WWOX: variants seen among roughly 807,000 people sequenced by gnomAD.
WWOX encodes the protein WW domain-containing oxidoreductase.
Under a neutral mutation model 46.2 loss-of-function variants are expected in WWOX, and 69 were observed. That is an observed-to-expected ratio of 1.49 (90% CI 1.23 to 1.82). The LOEUF (loss-of-function observed/expected upper bound fraction) is 1.82. Among genes scored for constraint, WWOX ranks in the 40% most tolerant of loss-of-function variants. The pLI, the probability that WWOX is intolerant of heterozygous loss-of-function variation, is 0.00. For missense variants in WWOX, 919 were observed against 542.6 expected (o/e 1.69, Z -6.89); for synonymous variants, 359 against 202.6 (o/e 1.77, Z -6.56).
intron 8 of WWOX, among the ~76,000 whole-genome samples, chr16:78,771,354 C>G (rs998575597): frequency 1.3e-5 from 2 of 152,162 alleles, no homozygotes; most frequent in Non-Finnish European, 2.9e-5. Context: ...CATGCATGCC[C>G]AACCTAAATA....
At chr16:78,276,573 T>G (rs919985499) in intron 5 of WWOX, among the ~76,000 whole-genome samples, 1 of 152,204 alleles carries the variant, frequency 6.6e-6, no homozygotes, top group Non-Finnish European at 1.5e-5. Context: ...GTAGGTTGGT[T>G]ATGAATTATG....
chr16:79,132,282 A>G (rs1389361176), intron 8 of WWOX, among the ~76,000 whole-genome samples: 1 of 152,184 alleles, frequency 6.6e-6, no homozygotes, highest in Admixed American at 6.5e-5. Context: ...AGCAGTGGTG[A>G]AGCTGGAAGA....
At chr16:78,450,036 A>G (rs1331098826) in intron 8 of WWOX, among the ~76,000 whole-genome samples, 1 of 152,060 alleles carries the variant, frequency 6.6e-6, no homozygotes, top group Non-Finnish European at 1.5e-5. Context: ...GCTAAAAAAA[A>G]TAACCACCCG....
At chr16:79,016,623 A>C (rs1455914523) in intron 8 of WWOX, 3 of 152,128 alleles carry the variant, frequency 2.0e-5, no homozygotes, top group African/African-American at 7.2e-5. Context: ...GGGTTTTGCC[A>C]TGTTGCTCAG....
At chr16:78,483,628 G>A (rs1232857344) in intron 8 of WWOX, among the ~76,000 whole-genome samples, 1 of 151,874 alleles carries the variant, frequency 6.6e-6, no homozygotes, top group Non-Finnish European at 1.5e-5. Flanking sequence ...TTATACTGTG[G>A]GCTGCATCGC....
At chr16:78,535,344 C>G (rs992071424) in intron 8 of WWOX, 3 of 152,226 alleles carry the variant, frequency 2.0e-5, no homozygotes, top group Non-Finnish European at 4.4e-5. Context: ...TGGGTAATGA[C>G]TTGCTGCTTT....
intron 8 of WWOX, among the ~76,000 whole-genome samples, chr16:79,014,699 A>G (rs949234024): frequency 2.0e-5 from 3 of 152,222 alleles, no homozygotes; most frequent in African/African-American, 7.2e-5. Flanking sequence ...TCAGAGATGA[A>G]AGAACCAAGG....
chr16:78,620,917 A>G (rs1341671183), intron 8 of WWOX, among the ~76,000 whole-genome samples: 2 of 152,112 alleles, frequency 1.3e-5, no homozygotes, highest in Non-Finnish European at 2.9e-5. Flanking sequence ...TTTTTGAGCA[A>G]TTCACTTACC....
chr16:79,104,335 A>T (rs1430350223), intron 8 of WWOX, among the ~76,000 whole-genome samples: 1 of 152,196 alleles, frequency 6.6e-6, no homozygotes, highest in African/African-American at 2.4e-5. Flanking sequence ...AAGACACATC[A>T]TTTTCCTTCA....
chr16:79,110,379 G>T (rs2049394309), intron 8 of WWOX, among the ~76,000 whole-genome samples: 1 of 152,092 alleles, frequency 6.6e-6, no homozygotes, highest in African/African-American at 2.4e-5. Context: ...ATCAAATGTA[G>T]CTTGGAGAGC....
chr16:78,774,686 T>G (rs1231967111), intron 8 of WWOX, among the ~76,000 whole-genome samples: 2 of 151,972 alleles, frequency 1.3e-5, no homozygotes, highest in Non-Finnish European at 2.9e-5. Flanking sequence ...TCATTGTCTG[T>G]GTGGGGGGAG....
chr16:78,343,469 G>A lies in WWOX; in HGVS notation c.517-43391G>A, dbSNP rs1276036404. The stretch of plus-strand genomic sequence containing the variant: ...TGGGACCTGAAGATGTATATCCCTT[G>A]TTTTCAGATTCCTCGCCTCTCATCA... On this transcript the variant is annotated intron_variant, in intron 5 of 8. Transcript: ENST00000566780. Among the ~76,000 whole-genome samples, 2 of 120,662 alleles carry A rather than the reference G, an allele frequency of 1.7e-5. 1 individual carries two copies. The highest frequency in any genetic ancestry group is 5.0e-4 in the South Asian group (2 of 4,006). 79.2% of individuals were successfully genotyped at this position (120,662 alleles called of 152,430 possible).
chr16:78,932,059 C>T (rs1010220735), intron 8 of WWOX, among the ~76,000 whole-genome samples: 4 of 152,228 alleles, frequency 2.6e-5, no homozygotes, highest in African/African-American at 9.6e-5. Flanking sequence ...CCATGTGGAA[C>T]TGTGAGTCCG....
Position 79,201,905 on chromosome 16 carries a change from GAA to G in WWOX, c.1057-9702_1057-9701del, listed in dbSNP as rs369777382. Reference sequence around the variant, plus strand: ...TATTTCATGACACTTGCAGGAAAAAGAAGAATTTTCATTTGATCAAATCATTT... The same window carrying G: ...TATTTCATGACACTTGCAGGAAAAAGGAATTTTCATTTGATCAAATCATTT... On this transcript the variant is annotated intron_variant, in intron 8 of 8. Coordinates refer to ENST00000566780, the MANE Select transcript of WWOX (RefSeq NM_016373.4). Among the ~76,000 whole-genome samples the G allele has an allele frequency of 2.8e-3, 428 of 152,184 alleles. 3 individuals are homozygous for G. The highest frequency in any genetic ancestry group is 9.5e-3 in the African/African-American group (394 of 41,478).
chr16:78,670,535 C>T (rs1160059621), intron 8 of WWOX, among the ~76,000 whole-genome samples: 1 of 152,068 alleles, frequency 6.6e-6, no homozygotes, highest in Admixed American at 6.6e-5. Context: ...GCTAGGTACA[C>T]AGGCTTCAGA....
At chr16:79,017,780 C>G (rs1161484245) in intron 8 of WWOX, among the ~76,000 whole-genome samples, 1 of 151,840 alleles carries the variant, frequency 6.6e-6, no homozygotes, top group Non-Finnish European at 1.5e-5. Flanking sequence ...ATGAATATTT[C>G]CACCCCCATT....
Position 78,524,540 on chromosome 16 carries a change from C to G in WWOX, c.1056+91788C>G, listed in dbSNP as rs546869721. 3.0e-3 allele frequency among the ~76,000 whole-genome samples: 451 copies of G among 152,028 alleles called. 2 individuals carry two copies. The highest frequency in any genetic ancestry group is 4.2e-3 in the Non-Finnish European group (284 of 67,992). ...TGTCCAAGTGATTCTTCTACCTCAG[C>G]CTCCCGAGTAGCTGGGATTACAGTT... On this transcript the variant is annotated intron_variant, in intron 8 of 8. Transcript: ENST00000566780.
intron 6 of WWOX, among the ~76,000 whole-genome samples, chr16:78,394,903 G>T (rs1010149900): frequency 6.6e-5 from 10 of 152,182 alleles, no homozygotes; most frequent in African/African-American, 2.4e-4. Context: ...ACCACTTACT[G>T]GCTGTGTGGC....
At position 79,212,106 on chromosome 16, in the gene WWOX, C is replaced by A. The variant is rs963084240; in HGVS notation, c.*310C>A. On this transcript the variant is annotated 3_prime_UTR_variant, in exon 9 of 9. Coordinates refer to ENST00000566780, the MANE Select transcript of WWOX (RefSeq NM_016373.4). ...TCCCTGGAGAAGCACCAGCAATTCT[C>A]TTTCTTTTACTGTTATAGAATAGCC... 1 of 1,535,964 alleles carries A rather than the reference C, an allele frequency of 6.5e-7. No individual in the cohort carries two copies. The highest frequency in any genetic ancestry group is 8.7e-7 in the Non-Finnish European group (1 of 1,146,804).
Sources: allele counts gnomAD v4.1 joint callset (sites outside exome capture counted in the v4.1 genomes callset), GRCh38; gene constraint gnomAD v4.1.1; transcripts MANE v1.5; gene names NCBI Gene and HGNC (gene_info 2026-07-23, HGNC 2026-07-21).